SEC22A: variants seen among roughly 807,000 people sequenced by gnomAD.
SEC22A encodes the protein SEC22 homolog A, vesicle trafficking protein.
In SEC22A, 22 loss-of-function variants were observed where a neutral mutation model predicts 35.3. The ratio of observed to expected loss-of-function variants is 0.62; its 90% CI spans 0.45 to 0.89. The LOEUF is 0.89. SEC22A is among the 40% of genes least tolerant of loss of function. SEC22A has a pLI of 0.00. For synonymous variants in SEC22A, 119 were observed against 129.5 expected, an observed-to-expected ratio of 0.92 and a Z score of 0.55; for missense variants, 354 against 362.5, an observed-to-expected ratio of 0.98 and a Z score of 0.19.
chr3:123,231,611 A>G (rs1296834358), intron 4 of SEC22A, among the ~76,000 whole-genome samples: 1 of 152,192 alleles, frequency 6.6e-6, no homozygotes, highest in African/African-American at 2.4e-5. Flanking sequence ...GGAAATGCGT[A>G]CTTTGAGATG....
At chr3:123,240,846 G>T (rs756052433) in intron 4 of SEC22A, among the ~76,000 whole-genome samples, 1 of 151,736 alleles carries the variant, frequency 6.6e-6, no homozygotes, top group Non-Finnish European at 1.5e-5. Flanking sequence ...TAAATTTAGG[G>T]TTTAAACTGA....
At chr3:123,243,256 G>A (rs866876276) in intron 4 of SEC22A, among the ~76,000 whole-genome samples, 2 of 151,722 alleles carry the variant, frequency 1.3e-5, no homozygotes. Context: ...GGGGTGGGGA[G>A]GGGGCGGGGT....
At chr3:123,236,813 G>GCACACA (rs149939306) in intron 4 of SEC22A, among the ~76,000 whole-genome samples, 6 of 150,668 alleles carry the variant, frequency 4.0e-5, no homozygotes, top group South Asian at 4.2e-4. Flanking sequence ...TAAGAAACAC[G>GCACACA]CACACACACA....
intron 4 of SEC22A, among the ~76,000 whole-genome samples, chr3:123,232,696 C>T (rs574996386): frequency 3.9e-5 from 6 of 151,972 alleles, no homozygotes; most frequent in South Asian, 4.2e-4. Flanking sequence ...AAAATACTTC[C>T]GTATTCTGTG....
intron 6 of SEC22A, among the ~76,000 whole-genome samples, chr3:123,269,625 A>ATTTTTTTT (rs35895285): frequency 4.5e-5 from 4 of 89,490 alleles, no homozygotes; most frequent in Non-Finnish European, 6.6e-5. Context: ...AAGGACATGA[A>ATTTTTTTT]TTTTTTTTTT....
intron 6 of SEC22A, among the ~76,000 whole-genome samples, chr3:123,269,625 A>ATTTTTTTTTTTTTTTTTT (rs35895285): frequency 1.1e-5 from 1 of 89,490 alleles, no homozygotes; most frequent in Non-Finnish European, 2.2e-5. Flanking sequence ...AAGGACATGA[A>ATTTTTTTTTTTTTTTTTT]TTTTTTTTTT....
At chr3:123,234,521 C>T (rs1937381264) in intron 4 of SEC22A, among the ~76,000 whole-genome samples, 1 of 152,012 alleles carries the variant, frequency 6.6e-6, no homozygotes, top group Non-Finnish European at 1.5e-5. Flanking sequence ...AAAGAATAGT[C>T]TTTTTGACAA....
chr3:123,230,604 A>G (rs1448531259), intron 4 of SEC22A, among the ~76,000 whole-genome samples: 3 of 150,746 alleles, frequency 2.0e-5, no homozygotes, highest in Non-Finnish European at 4.4e-5. Context: ...TGCAGTTAAG[A>G]TGTACATGGT....
chr3:123,219,435 T>C (rs1453203651), intron 2 of SEC22A, among the ~76,000 whole-genome samples: 1 of 152,142 alleles, frequency 6.6e-6, no homozygotes, highest in African/African-American at 2.4e-5. Context: ...TACATGGAAG[T>C]TGGTATTGTA....
intron 2 of SEC22A, among the ~76,000 whole-genome samples, chr3:123,215,737 G>A (rs966922559): frequency 6.6e-6 from 1 of 152,146 alleles, no homozygotes; most frequent in Non-Finnish European, 1.5e-5. Flanking sequence ...GGTAAAAAAT[G>A]GCTGCTGCTC....
chr3:123,250,938 G>A (rs915915003), intron 5 of SEC22A, among the ~76,000 whole-genome samples: 1 of 152,192 alleles, frequency 6.6e-6, no homozygotes, highest in African/African-American at 2.4e-5. Context: ...ATATATTTAT[G>A]TGTATCTTTT....
chr3:123,248,390 G>T (rs992527967), intron 5 of SEC22A, among the ~76,000 whole-genome samples: 2 of 152,156 alleles, frequency 1.3e-5, no homozygotes, highest in Non-Finnish European at 2.9e-5. Flanking sequence ...TAGCAAGATT[G>T]CAGGATATGA....
intron 2 of SEC22A, among the ~76,000 whole-genome samples, chr3:123,214,061 G>A (rs933074072): frequency 6.6e-5 from 10 of 152,090 alleles, no homozygotes; most frequent in African/African-American, 2.4e-4. Flanking sequence ...CGGGTGTGGT[G>A]ATGGACATCT....
chr3:123,230,140 TA>T (rs1937294814), intron 4 of SEC22A, among the ~76,000 whole-genome samples: 1 of 152,126 alleles, frequency 6.6e-6, no homozygotes, highest in Non-Finnish European at 1.5e-5. Context: ...CTCTGACTCG[TA>T]AAAATACATT....
Position 123,271,520 on chromosome 3 carries a change from A to G in SEC22A, c.724-2A>G. On this transcript the variant is annotated splice_acceptor_variant, in intron 6 of 6. Transcript: ENST00000492595. LOFTEE classifies it high-confidence loss of function. ...CATCTTTCATTTTTATATTTTGAAC[A>G]GTGTTATTTACTTGTCTACTACACC... 1 of 1,610,176 alleles carries G rather than the reference A, an allele frequency of 6.2e-7. No homozygotes were observed. Among genetic ancestry groups the G allele is most frequent in the Non-Finnish European group, 8.5e-7 (1 of 1,178,354 alleles).
chr3:123,233,654 C>CAA lies in SEC22A; in HGVS notation c.541+8365_541+8366dup, dbSNP rs34046685. ...CTTTCATGGCAAAAAAACAAACAAA[C>CAA]AAAAAAAAACACTCAACAAACTAGG... On this transcript the variant is annotated intron_variant, in intron 4 of 6. Transcript: ENST00000492595. 1.9e-4 allele frequency among the ~76,000 whole-genome samples: 29 copies of CAA among 149,812 alleles called. 1 individual carries two copies. Among genetic ancestry groups the CAA allele is most frequent in the Middle Eastern group, 3.5e-3 (1 of 284 alleles).
At chr3:123,229,499 T>A (rs1937276030) in intron 4 of SEC22A, among the ~76,000 whole-genome samples, 1 of 152,110 alleles carries the variant, frequency 6.6e-6, no homozygotes, top group African/African-American at 2.4e-5. Context: ...GAAGGCAAAG[T>A]AAAGATATTT....
At chr3:123,218,741 T>G (rs1937074031) in intron 2 of SEC22A, among the ~76,000 whole-genome samples, 1 of 152,168 alleles carries the variant, frequency 6.6e-6, no homozygotes, top group African/African-American at 2.4e-5. Context: ...TAGATACTAC[T>G]AAGCTGTACA....
rs187999235 is a variant in SEC22A at position 123,248,622 on chromosome 3, A to C, written c.657+2608A>C. 3.9e-5 allele frequency among the ~76,000 whole-genome samples: 6 copies of C among 152,366 alleles called. No homozygotes were observed. The East Asian group carries it at 1.2e-3, about 29-fold the overall frequency. On this transcript the variant is annotated intron_variant, in intron 5 of 6. Transcript: ENST00000492595. ...GGAGAGATATTCCATGTTTATAGAC[A>C]GGAAGACTCAATATTGTTTAGGTAT...
Sources: gnomAD v4.1 joint callset for allele counts (sites outside exome capture counted in the v4.1 genomes callset) on GRCh38, gnomAD v4.1.1 for gene constraint, MANE v1.5 for transcripts, NCBI Gene and HGNC (gene_info 2026-07-23, HGNC 2026-07-21) for gene names.